CAMTA1: variants seen among roughly 807,000 people sequenced by gnomAD.
The protein encoded by CAMTA1 is calmodulin-binding transcription activator 1.
A neutral mutation model predicts 170.9 loss-of-function variants in CAMTA1; 27 were observed. The ratio of observed to expected loss-of-function variants is 0.16; its 90% confidence interval spans 0.12 to 0.22. The LOEUF is 0.22. Ranked by LOEUF, CAMTA1 falls within the 10% of genes least tolerant of loss-of-function variation. CAMTA1 has a pLI of 1.00. For missense variants in CAMTA1, 1,619 were observed against 2,217.2 expected (o/e 0.73, Z 5.42); for synonymous variants, 833 against 891.5 (o/e 0.93, Z 1.17).
Position 7,766,461 on chromosome 1 carries a change from TGA to T in CAMTA1, c.4993_4994del (p.Glu1665LysfsTer3). 1 of 1,614,068 alleles carries T rather than the reference TGA, an allele frequency of 6.2e-7. No individual in the cohort carries two copies. Among genetic ancestry groups the T allele is most frequent in the Non-Finnish European group, 8.5e-7 (1 of 1,179,954 alleles). ...GTTTTGTTTTGTTTCTCTTCCAGAG[TGA>T]AAGAATTGAAAAAGGCCAAGGAACT... ...LVDHRLYKRS[E>X]RIEKGQGT On this transcript the variant is annotated frameshift_variant, in exon 23 of 23. Transcript: ENST00000303635. LOFTEE classifies it high-confidence loss of function.
intron 3 of CAMTA1, among the ~76,000 whole-genome samples, chr1:7,034,452 C>T (rs144296979): frequency 2.5e-3 from 375 of 152,312 alleles, no homozygotes; most frequent in African/African-American, 7.6e-3. Flanking sequence ...CGTGCCCAGC[C>T]GATTGTTGTT....
chr1:7,315,483 G>A (rs1235001876), intron 5 of CAMTA1, among the ~76,000 whole-genome samples: 1 of 152,222 alleles, frequency 6.6e-6, no homozygotes, highest in East Asian at 1.9e-4. Flanking sequence ...TGGGAAACAG[G>A]CCTGGCTTTT....
chr1:7,587,687 G>A (rs998377603), intron 6 of CAMTA1, among the ~76,000 whole-genome samples: 5 of 152,048 alleles, frequency 3.3e-5, no homozygotes, highest in Non-Finnish European at 7.3e-5. Context: ...TTAGAGATGA[G>A]AACCTCAGAT....
At chr1:7,526,566 G>A (rs1427924255) in intron 6 of CAMTA1, among the ~76,000 whole-genome samples, 1 of 152,256 alleles carries the variant, frequency 6.6e-6, no homozygotes, top group Non-Finnish European at 1.5e-5. Flanking sequence ...GCCATTGGAA[G>A]GCGGAGGAGT....
chr1:7,559,709 C>T (rs1224573190), intron 6 of CAMTA1, among the ~76,000 whole-genome samples: 1 of 152,042 alleles, frequency 6.6e-6, no homozygotes. Context: ...CCTTGGGGTC[C>T]AGAGCTGAGC....
chr1:7,383,667 C>T (rs1018563799), intron 5 of CAMTA1, among the ~76,000 whole-genome samples: 1 of 151,944 alleles, frequency 6.6e-6, no homozygotes, highest in African/African-American at 2.4e-5. Flanking sequence ...TGATCATGGT[C>T]ATGGTGGTGG....
chr1:7,669,855 C>G (rs574186330), intron 9 of CAMTA1, among the ~76,000 whole-genome samples: 1 of 152,228 alleles, frequency 6.6e-6, no homozygotes, highest in Non-Finnish European at 1.5e-5. Context: ...TCGGCTAAGC[C>G]GTAAGTAGGG....
chr1:6,881,847 A>G (rs1245135484), intron 3 of CAMTA1, among the ~76,000 whole-genome samples: 1 of 152,140 alleles, frequency 6.6e-6, no homozygotes, highest in African/African-American at 2.4e-5. Context: ...GTTGCCTGTA[A>G]TCTCAGCTAT....
chr1:6,820,759 C>T (rs932692339), intron 2 of CAMTA1, among the ~76,000 whole-genome samples: 16 of 152,062 alleles, frequency 1.1e-4, no homozygotes, highest in Non-Finnish European at 2.4e-4. Context: ...TTTCTGGGTG[C>T]CTGATACACA....
intron 3 of CAMTA1, among the ~76,000 whole-genome samples, chr1:7,006,682 C>T (rs1460811154): frequency 6.6e-6 from 1 of 152,188 alleles, no homozygotes; most frequent in Non-Finnish European, 1.5e-5. Flanking sequence ...TAGCTGTGAG[C>T]TCCATTCATC....
At chr1:7,370,774 C>T (rs2086379954) in intron 5 of CAMTA1, among the ~76,000 whole-genome samples, 1 of 152,110 alleles carries the variant, frequency 6.6e-6, no homozygotes, top group Non-Finnish European at 1.5e-5. Context: ...GGCAAATTTT[C>T]CATTCTTACA....
In CAMTA1 at chr1:7,293,445, C is replaced by G. The variant is rs913588899; in HGVS notation, c.438+43819C>G. ...TGAAGACAGAAGAGTCACAATGAGC[C>G]GATTTATAGAGTACATGGGGTGTTG... is the stretch of plus-strand genomic sequence containing the variant. On this transcript the variant is annotated intron_variant, in intron 5 of 22. Coordinates refer to ENST00000303635, the MANE Select transcript of CAMTA1 (RefSeq NM_015215.4). This position sits in a 1 kb window ranked among gnomAD's most constrained non-coding sequence, Gnocchi z 4.1. Among the ~76,000 whole-genome samples, 2 of 152,106 alleles carry G rather than the reference C, an allele frequency of 1.3e-5. No homozygotes were observed. The highest frequency in any genetic ancestry group is 2.9e-5 in the Non-Finnish European group (2 of 68,018).
chr1:6,805,036 A>G (rs1402515286), intron 1 of CAMTA1, among the ~76,000 whole-genome samples: 2 of 152,248 alleles, frequency 1.3e-5, no homozygotes, highest in Non-Finnish European at 2.9e-5. Flanking sequence ...TCTGTTGGAA[A>G]GATACCTAGG....
Position 7,609,235 on chromosome 1 carries a change from AT to A in CAMTA1, c.511-31156del, listed in dbSNP as rs1036435914. On this transcript the variant is annotated intron_variant, in intron 6 of 22. Coordinates refer to ENST00000303635, the MANE Select transcript of CAMTA1 (RefSeq NM_015215.4). The surrounding 1 kb of genome is among the most constrained non-coding windows in gnomAD (Gnocchi z 4.4). ...TTGCTCATCCTTGAGCCTGGGTTGGATTTTTTTTTAATGTTTAAAAATTCCC... is the reference window on the plus strand; with the variant it reads ...TTGCTCATCCTTGAGCCTGGGTTGGATTTTTTTTAATGTTTAAAAATTCCC... Among the ~76,000 whole-genome samples the A allele has an allele frequency of 3.3e-5, 5 of 151,062 alleles. No individual in the cohort carries two copies. Among genetic ancestry groups the A allele is most frequent in the Admixed American group, 3.3e-4 (5 of 15,186 alleles).
At chr1:7,499,086 T>C (rs1323362186) in intron 6 of CAMTA1, among the ~76,000 whole-genome samples, 2 of 147,004 alleles carry the variant, frequency 1.4e-5, no homozygotes, top group Admixed American at 1.4e-4. Context: ...AGTGTGTGTG[T>C]GCATGTGTGT....
At position 7,007,652 on chromosome 1, in the gene CAMTA1, G is replaced by A. The variant is rs775115043; in HGVS notation, c.235-83652G>A. Among the ~76,000 whole-genome samples the A allele has an allele frequency of 2.6e-5, 4 of 152,210 alleles. No homozygotes were observed. The highest frequency in any genetic ancestry group is 6.5e-5 in the Admixed American group (1 of 15,304). ...TGACCCAGACTGCCGAGGGGTGGCC[G>A]GGCCCTGTCAGTGCTGCGGAGGTGA... On this transcript the variant is annotated intron_variant, in intron 3 of 22. Transcript: ENST00000303635. The surrounding 1 kb of genome is among the most constrained non-coding windows in gnomAD (Gnocchi z 4.5).
chr1:7,421,897 C>T (rs1284595127), intron 5 of CAMTA1, among the ~76,000 whole-genome samples: 2 of 152,028 alleles, frequency 1.3e-5, no homozygotes, highest in African/African-American at 4.8e-5. Context: ...GGAAGCCTCC[C>T]TCCCCTGGCA....
intron 3 of CAMTA1, among the ~76,000 whole-genome samples, chr1:6,874,580 T>G (rs572620636): frequency 3.3e-5 from 5 of 152,184 alleles, no homozygotes; most frequent in Non-Finnish European, 7.3e-5. Flanking sequence ...TAACACTGAC[T>G]TAGAGACCCT....
chr1:7,681,384 G>A lies in CAMTA1; in HGVS notation c.2914+3651G>A, dbSNP rs544189938. On this transcript the variant is annotated intron_variant, in intron 11 of 22. Transcript: ENST00000303635. This position sits in a 1 kb window ranked among gnomAD's most constrained non-coding sequence, Gnocchi z 4.6. ...CCTGAAGCCTGAGCAGGGTTAGCCC[G>A]GGAAGAGGGGGCATCAAGGGTGGCA... Among the ~76,000 whole-genome samples, 1 of 152,294 alleles carries A rather than the reference G, an allele frequency of 6.6e-6. No homozygotes were observed. The highest frequency in any genetic ancestry group is 2.1e-4 in the South Asian group (1 of 4,826).
Sources: allele counts gnomAD v4.1 joint callset (sites outside exome capture counted in the v4.1 genomes callset), GRCh38; gene constraint gnomAD v4.1.1; non-coding constraint Gnocchi (gnomAD v3.1); transcripts MANE v1.5; gene names NCBI Gene and HGNC (gene_info 2026-07-23, HGNC 2026-07-21).